ADAM12: variants seen among roughly 807,000 people sequenced by gnomAD.
ADAM12 encodes the protein disintegrin and metalloproteinase domain-containing protein 12.
A neutral mutation model predicts 106.4 loss-of-function variants in ADAM12; 70 were observed. The observed-to-expected ratio is 0.66, with a 90% CI of 0.54 to 0.80. The LOEUF (loss-of-function observed/expected upper bound fraction) is 0.80. ADAM12 is among the 30% of genes least tolerant of loss of function. The pLI, the probability that ADAM12 is intolerant of heterozygous loss-of-function variation, is 0.00. For synonymous variants in ADAM12, 420 were observed against 433.5 expected (o/e 0.97, Z 0.39); for missense variants, 1,010 against 1,171.9 (o/e 0.86, Z 2.02).
At chr10:126,162,163 G>A (rs887311417) in intron 3 of ADAM12, among the ~76,000 whole-genome samples, 2 of 152,156 alleles carry the variant, frequency 1.3e-5, no homozygotes, top group East Asian at 1.9e-4. Flanking sequence ...CTCCATGACA[G>A]GGACACGCCC....
At chr10:126,173,940 A>G (rs982013102) in intron 3 of ADAM12, among the ~76,000 whole-genome samples, 5 of 151,992 alleles carry the variant, frequency 3.3e-5, no homozygotes, top group Non-Finnish European at 5.9e-5. Flanking sequence ...GAAAAATTGC[A>G]AAAATAAAAA....
chr10:126,073,548 C>T (rs1047679086), intron 11 of ADAM12, among the ~76,000 whole-genome samples: 1 of 152,278 alleles, frequency 6.6e-6, no homozygotes, highest in African/African-American at 2.4e-5. Context: ...CCTCTCCTTT[C>T]CCAGTGTCTG....
At chr10:126,030,676 A>G (rs890775787) in intron 21 of ADAM12, among the ~76,000 whole-genome samples, 4 of 152,208 alleles carry the variant, frequency 2.6e-5, no homozygotes, top group African/African-American at 9.7e-5. Context: ...GGGAGAGATC[A>G]TGCTTCCGTG....
chr10:126,132,160 AG>A (rs1956317339), intron 5 of ADAM12, among the ~76,000 whole-genome samples: 2 of 152,120 alleles, frequency 1.3e-5, no homozygotes, highest in Non-Finnish European at 2.9e-5. Context: ...TTTTTAGTAG[AG>A]ATGGGTTTTC....
intron 1 of ADAM12, among the ~76,000 whole-genome samples, chr10:126,369,635 C>A (rs1385133337): frequency 6.6e-6 from 1 of 151,974 alleles, no homozygotes; most frequent in African/African-American, 2.4e-5. Flanking sequence ...AGAAACAGAG[C>A]CACCTTACCA....
chr10:126,199,508 G>GA (rs1410395574), intron 3 of ADAM12, among the ~76,000 whole-genome samples: 2 of 152,262 alleles, frequency 1.3e-5, no homozygotes, highest in African/African-American at 4.8e-5. Flanking sequence ...TTCTACCGCA[G>GA]AAACGCTCCC....
intron 3 of ADAM12, among the ~76,000 whole-genome samples, chr10:126,274,308 G>C (rs528572392): frequency 6.6e-6 from 1 of 152,162 alleles, no homozygotes; most frequent in Admixed American, 6.5e-5. Context: ...GCCCCACCCT[G>C]TGTAGCAGAA....
chr10:126,367,662 A>G (rs1855959006), intron 1 of ADAM12, among the ~76,000 whole-genome samples: 2 of 152,048 alleles, frequency 1.3e-5, no homozygotes, highest in Non-Finnish European at 2.9e-5. Flanking sequence ...GAAAAAAATG[A>G]GAAAAAAATC....
chr10:126,384,002 A>G (rs1279171200), intron 1 of ADAM12, among the ~76,000 whole-genome samples: 4 of 152,220 alleles, frequency 2.6e-5, no homozygotes, highest in African/African-American at 9.7e-5. Context: ...TATTTTCCTG[A>G]TGAAAATAGA....
intron 4 of ADAM12, among the ~76,000 whole-genome samples, chr10:126,143,362 CAT>C (rs1565091832): frequency 7.2e-6 from 1 of 138,816 alleles, no homozygotes; most frequent in Non-Finnish European, 1.5e-5. Context: ...TGTATATATA[CAT>C]GTGTATATGC....
intron 1 of ADAM12, among the ~76,000 whole-genome samples, chr10:126,342,835 T>A (rs11244962): frequency 0.27 from 40,770 of 151,864 alleles, 5,732 homozygotes; most frequent in Middle Eastern, 0.33. Context: ...GGGAGCAGTT[T>A]TTCTCCTTTC....
In ADAM12 at chr10:126,047,191, A is replaced by G. The variant is rs192105256; in HGVS notation, c.1918-1059T>C. ...TTTTACAAATCCGTGGAGTCAAAGG[A>G]AAAAGAGTCTAACGTTCAAATGGCA... is the stretch of plus-strand genomic sequence containing the variant. On this transcript the variant is annotated intron_variant, in intron 16 of 22. Transcript: ENST00000448723. 1.7e-3 allele frequency among the ~76,000 whole-genome samples: 261 copies of G among 151,048 alleles called. 1 individual carries two copies. In the East Asian group the frequency reaches 0.03, roughly 18 times the overall value.
At position 126,129,872 on chromosome 10, in the gene ADAM12, T is replaced by C. The variant is rs1278320; in HGVS notation, c.416+5712A>G. ...TTCTACTGAGATCTTTGTGCTGTTT[T>C]TGTCTCCGTGTGCTTTCCGCTTCAA... On this transcript the variant is annotated intron_variant, in intron 5 of 22. Coordinates refer to ENST00000448723, the MANE Select transcript of ADAM12 (RefSeq NM_001288973.2). 2.1e-3 allele frequency among the ~76,000 whole-genome samples: 314 copies of C among 152,370 alleles called. 1 individual carries two copies. Among genetic ancestry groups the C allele is most frequent in the African/African-American group, 7.2e-3 (301 of 41,586 alleles).
chr10:126,378,315 C>G (rs1435125427), intron 1 of ADAM12, among the ~76,000 whole-genome samples: 2 of 152,152 alleles, frequency 1.3e-5, no homozygotes, highest in African/African-American at 4.8e-5. Context: ...AGAGCTTACA[C>G]CCATACCTAA....
In ADAM12 at chr10:126,043,568, C is replaced by A. The variant is rs1221210921; in HGVS notation, c.1996-420G>T. 6.6e-6 allele frequency among the ~76,000 whole-genome samples: 1 copy of A among 152,196 alleles called. No homozygotes were observed. Among genetic ancestry groups the A allele is most frequent in the African/African-American group, 2.4e-5 (1 of 41,458 alleles). Reference sequence around the variant, plus strand: ...GGGGCACCGCGGGACCTGACAGATGCTTGGCGCATCCCTGTCTCCTTCAGA... The same window carrying A: ...GGGGCACCGCGGGACCTGACAGATGATTGGCGCATCCCTGTCTCCTTCAGA... On this transcript the variant is annotated intron_variant, in intron 17 of 22. Coordinates refer to ENST00000448723, the MANE Select transcript of ADAM12 (RefSeq NM_001288973.2). This position sits in a 1 kb window ranked among gnomAD's most constrained non-coding sequence, Gnocchi z 4.1.
At chr10:126,032,570 G>C (rs146424105) in intron 21 of ADAM12, among the ~76,000 whole-genome samples, 1 of 152,158 alleles carries the variant, frequency 6.6e-6, no homozygotes, top group Non-Finnish European at 1.5e-5. Flanking sequence ...ACCTTCCTCT[G>C]ATAACATGGT....
At position 126,101,219 on chromosome 10, in the gene ADAM12, C is replaced by T. The variant is rs776871759; in HGVS notation, c.764G>A (p.Arg255Gln). ...VDKFYRPLNIRIVLVGVEVWN... is the reference protein window; with the variant it reads ...VDKFYRPLNIQIVLVGVEVWN... ...CACTTCCACGCCTACCAACACGATC[C>T]GAATGTTCAGTGGTCTGTAAAACTG... Residue 255 changes from arginine (R) to glutamine (Q), a missense_variant, in exon 9 of 23, where the codon CGG becomes CAG. Arg to Gln is a conservative substitution (Grantham distance 43, BLOSUM62 1). Transcript: ENST00000448723. 11 of 1,614,010 alleles carry T rather than the reference C, an allele frequency of 6.8e-6. No individual in the cohort carries two copies. The highest frequency in any genetic ancestry group is 9.3e-6 in the Non-Finnish European group (11 of 1,179,976).
At chr10:126,238,165 C>T (rs758172087) in intron 3 of ADAM12, among the ~76,000 whole-genome samples, 7 of 152,174 alleles carry the variant, frequency 4.6e-5, no homozygotes, top group Non-Finnish European at 1.0e-4. Context: ...TCCTTCAAAA[C>T]GCTTCCTACA....
At chr10:126,295,652 A>C (rs759641848) in intron 2 of ADAM12, among the ~76,000 whole-genome samples, 23 of 152,030 alleles carry the variant, frequency 1.5e-4, no homozygotes, top group Non-Finnish European at 3.1e-4. Flanking sequence ...TTACCTGAAT[A>C]AGAAAAGTTA....
Sources: gnomAD v4.1 joint callset for allele counts (sites outside exome capture counted in the v4.1 genomes callset) on GRCh38, gnomAD v4.1.1 for gene constraint, Gnocchi (gnomAD v3.1) non-coding constraint, MANE v1.5 for transcripts, NCBI Gene and HGNC (gene_info 2026-07-23, HGNC 2026-07-21) for gene names.